DOCK3: variants seen among roughly 807,000 people sequenced by gnomAD.
The protein encoded by DOCK3 is dedicator of cytokinesis 3, also known as dedicator of cytokinesis protein 3.
In DOCK3, 60 loss-of-function variants were observed where a neutral mutation model predicts 265.6. The observed-to-expected ratio is 0.23, with a 90% CI of 0.18 to 0.28. The LOEUF is 0.28. Ranked by LOEUF, DOCK3 falls within the 10% of genes least tolerant of loss-of-function variation. The pLI is 1.00. For missense variants in DOCK3, 1,981 were observed against 2,594.3 expected (o/e 0.76, Z 5.14); for synonymous variants, 881 against 938.0 (o/e 0.94, Z 1.11).
intron 14 of DOCK3, among the ~76,000 whole-genome samples, chr3:51,217,749 G>A (rs2108266108): frequency 6.6e-6 from 1 of 152,212 alleles, no homozygotes; most frequent in South Asian, 2.1e-4. Flanking sequence ...TAACTCCTGT[G>A]TCAGAATTAG....
At chr3:50,708,309 C>A (rs573158329) in intron 1 of DOCK3, among the ~76,000 whole-genome samples, 2 of 152,210 alleles carry the variant, frequency 1.3e-5, no homozygotes, top group Admixed American at 1.3e-4. Flanking sequence ...GGAGTGCATG[C>A]TTCTGTTCTT....
At chr3:51,311,462 C>T (rs930346978) in intron 28 of DOCK3, among the ~76,000 whole-genome samples, 1 of 152,164 alleles carries the variant, frequency 6.6e-6, no homozygotes, top group African/African-American at 2.4e-5. Context: ...AGAGTGATTA[C>T]TCAAGCTAGA....
intron 5 of DOCK3, among the ~76,000 whole-genome samples, chr3:50,970,588 G>A (rs2077168608): frequency 6.6e-6 from 1 of 151,558 alleles, no homozygotes. Context: ...TGTCTTCAGT[G>A]AACATTTTAT....
At chr3:50,814,906 C>G (rs1275646456) in intron 2 of DOCK3, among the ~76,000 whole-genome samples, 1 of 152,008 alleles carries the variant, frequency 6.6e-6, no homozygotes, top group Non-Finnish European at 1.5e-5. Flanking sequence ...CTCACTGCAA[C>G]CTCCGCCTCC....
In DOCK3 at chr3:50,911,438, G is replaced by A. The variant is rs1390403527; in HGVS notation, c.218+21357G>A. Among the ~76,000 whole-genome samples the A allele has an allele frequency of 7.9e-5, 12 of 151,976 alleles. 1 individual carries two copies. Among genetic ancestry groups the A allele is most frequent in the African/African-American group, 2.9e-4 (12 of 41,314 alleles). On this transcript the variant is annotated intron_variant, in intron 4 of 52. Transcript: ENST00000266037. The stretch of plus-strand genomic sequence containing the variant: ...TGTCCTTTCTCCAATGTATGTTTTT[G>A]CCACATTTGACAAAAATGAGTTGAC...
chr3:51,075,417 A>G lies in DOCK3; in HGVS notation c.526A>G (p.Ser176Gly). 2 of 1,610,200 alleles carry G rather than the reference A, an allele frequency of 1.2e-6. No individual in the cohort carries two copies. The highest frequency in any genetic ancestry group is 1.7e-6 in the Non-Finnish European group (2 of 1,178,342). Residue 176 changes from serine (S) to glycine (G), a missense_variant, in exon 7 of 53, where the codon AGT becomes GGT. Physicochemically the swap from Ser to Gly is moderately conservative, Grantham distance 56 (BLOSUM62 0). Coordinates refer to ENST00000266037, the MANE Select transcript of DOCK3 (RefSeq NM_004947.5). ...TGAAGTAGTGGACTCGGACCAGATT[A>G]GTGTCTCAGATCTCTATAAGATGGT... The part of the protein sequence containing the change: ...DFEVVDSDQI[S>G]VSDLYKMHLS...
intron 4 of DOCK3, among the ~76,000 whole-genome samples, chr3:50,895,686 C>A (rs929313572): frequency 7.2e-5 from 11 of 151,964 alleles, no homozygotes; most frequent in Non-Finnish European, 1.6e-4. Flanking sequence ...CCCCAACAGG[C>A]CCCAGTGTGT....
intron 4 of DOCK3, among the ~76,000 whole-genome samples, chr3:50,924,863 G>A (rs547819128): frequency 6.6e-6 from 1 of 152,316 alleles, no homozygotes; most frequent in South Asian, 2.1e-4. Context: ...GGACAATTAT[G>A]CGGGTGGTGT....
At chr3:50,848,841 G>A (rs1439554482) in intron 3 of DOCK3, among the ~76,000 whole-genome samples, 1 of 152,120 alleles carries the variant, frequency 6.6e-6, no homozygotes, top group Non-Finnish European at 1.5e-5. Flanking sequence ...TTCCTTGCTA[G>A]TAAGATTAGG....
At chr3:50,857,053 T>A (rs2046634640) in intron 3 of DOCK3, among the ~76,000 whole-genome samples, 1 of 152,236 alleles carries the variant, frequency 6.6e-6, no homozygotes, top group African/African-American at 2.4e-5. Flanking sequence ...TATCTTTTGA[T>A]GCGCTGCTCG....
rs370210304 is a variant in DOCK3 at position 50,697,434 on chromosome 3, A to G, written c.37+22134A>G. On this transcript the variant is annotated intron_variant, in intron 1 of 52. Transcript: ENST00000266037. ...GTGAAACCCCGTCTTTACTAAAAATACAAAAAATTAGCTGGGTGTGGTGGC... is the reference window on the plus strand; with the variant it reads ...GTGAAACCCCGTCTTTACTAAAAATGCAAAAAATTAGCTGGGTGTGGTGGC... Among the ~76,000 whole-genome samples, 17 of 152,148 alleles carry G rather than the reference A, an allele frequency of 1.1e-4. No homozygotes were observed. The East Asian group carries it at 2.0e-3, about 18-fold the overall frequency.
intron 10 of DOCK3, among the ~76,000 whole-genome samples, chr3:51,148,819 A>G (rs1214674873): frequency 1.3e-5 from 2 of 152,116 alleles, no homozygotes; most frequent in African/African-American, 4.8e-5. Flanking sequence ...TTGTCTTGGC[A>G]ATGTGGGCTC....
chr3:50,865,318 C>CTG (rs1183937298), intron 3 of DOCK3, among the ~76,000 whole-genome samples: 1 of 152,206 alleles, frequency 6.6e-6, no homozygotes, highest in African/African-American at 2.4e-5. Context: ...TTCCCACCCT[C>CTG]TGGCAACCAT....
chr3:50,686,458 C>G (rs1378433772), intron 1 of DOCK3, among the ~76,000 whole-genome samples: 2 of 152,220 alleles, frequency 1.3e-5, no homozygotes, highest in African/African-American at 4.8e-5. Context: ...TGCACAAAGT[C>G]AATTCACCTG....
intron 1 of DOCK3, chr3:50,719,978 A>G (rs1318959802): frequency 5.1e-6 from 2 of 391,580 alleles, no homozygotes; most frequent in Non-Finnish European, 9.6e-6. Flanking sequence ...GTCGTTGTCT[A>G]CAAAGACAGT....
At chr3:51,046,836 CA>C (rs1257360082) in intron 5 of DOCK3, among the ~76,000 whole-genome samples, 4 of 151,964 alleles carry the variant, frequency 2.6e-5, no homozygotes, top group African/African-American at 9.7e-5. Flanking sequence ...AGTCTTAACA[CA>C]CTTAAGAAGT....
chr3:50,787,420 A>T, intron 2 of DOCK3: 1 of 417,078 alleles, frequency 2.4e-6, no homozygotes, highest in Non-Finnish European at 4.4e-6. Context: ...CTGTAATCCC[A>T]GCTACTCGGG....
chr3:50,699,565 GC>G (rs1394414667), intron 1 of DOCK3, among the ~76,000 whole-genome samples: 4 of 150,826 alleles, frequency 2.7e-5, no homozygotes, highest in Non-Finnish European at 5.9e-5. Flanking sequence ...CAGTTCTCTT[GC>G]CTCAGCCTCC....
At chr3:50,903,255 G>T (rs552897368) in intron 4 of DOCK3, among the ~76,000 whole-genome samples, 1 of 152,138 alleles carries the variant, frequency 6.6e-6, no homozygotes, top group East Asian at 1.9e-4. Context: ...GTTTTCACAG[G>T]TAATGCTTCC....
Sources: gnomAD v4.1 joint callset for allele counts (sites outside exome capture counted in the v4.1 genomes callset) on GRCh38, gnomAD v4.1.1 for gene constraint, MANE v1.5 for transcripts, NCBI Gene and HGNC (gene_info 2026-07-23, HGNC 2026-07-21) for gene names.